Variants in TAF1B observed in about 807,000 individuals in gnomAD.
TAF1B encodes the protein TATA box-binding protein-associated factor RNA polymerase I subunit B.
TAF1B carries 61 observed loss-of-function variants against 83.9 expected under a neutral mutation model. The ratio of observed to expected loss-of-function variants is 0.73; its 90% CI spans 0.59 to 0.90. The LOEUF (loss-of-function observed/expected upper bound fraction) is 0.90, where lower values mean the gene tolerates loss of function less well. TAF1B is among the 40% of genes least tolerant of loss of function. The pLI, the probability that TAF1B is intolerant of heterozygous loss-of-function variation, is 0.00. For synonymous variants in TAF1B, 221 were observed against 224.6 expected (o/e 0.98, Z 0.14); for missense variants, 625 against 677.0 (o/e 0.92, Z 0.85).
intron 5 of TAF1B, among the ~76,000 whole-genome samples, chr2:9,859,515 T>A (rs1479046535): frequency 1.3e-5 from 2 of 151,726 alleles, no homozygotes; most frequent in African/African-American, 4.8e-5. Context: ...GCCTCCCGAG[T>A]AGCTGGGACT....
chr2:9,903,634 A>G (rs1665255170), intron 8 of TAF1B, among the ~76,000 whole-genome samples: 1 of 152,224 alleles, frequency 6.6e-6, no homozygotes. Context: ...TTTAACTACT[A>G]GACTTAAAAC....
At chr2:9,918,066 C>T (rs1665742240) in intron 12 of TAF1B, among the ~76,000 whole-genome samples, 1 of 143,624 alleles carries the variant, frequency 7.0e-6, no homozygotes, top group Non-Finnish European at 1.5e-5. Flanking sequence ...AGCGAGACTC[C>T]GTCTCAAAAA....
At chr2:9,921,092 G>A (rs1050959805) in intron 14 of TAF1B, among the ~76,000 whole-genome samples, 1 of 152,106 alleles carries the variant, frequency 6.6e-6, no homozygotes, top group East Asian at 1.9e-4. Flanking sequence ...GAATAATACA[G>A]TGTAAATTCT....
At chr2:9,932,397 T>C (rs1013336969) in intron 14 of TAF1B, among the ~76,000 whole-genome samples, 3 of 152,212 alleles carry the variant, frequency 2.0e-5, no homozygotes, top group Admixed American at 6.5e-5. Flanking sequence ...TCCTTTCTGT[T>C]TGTTAGTTTT....
At position 9,868,270 on chromosome 2, in the gene TAF1B, A is replaced by G; in HGVS notation, c.400-6A>G. 1.9e-6 allele frequency: 3 copies of G among 1,613,662 alleles called. No homozygotes were observed. Among genetic ancestry groups the G allele is most frequent in the Non-Finnish European group, 2.5e-6 (3 of 1,179,802 alleles). On this transcript the variant is annotated splice_polypyrimidine_tract_variant and splice_region_variant and intron_variant, in intron 5 of 14. Coordinates refer to ENST00000263663, the MANE Select transcript of TAF1B (RefSeq NM_005680.3). ...AATAATTTTATTTATATTGTTTTGC[A>G]AACAGGTATTAGAAGATAATCTAAG...
chr2:9,912,822 G>A (rs578226680), intron 11 of TAF1B, among the ~76,000 whole-genome samples: 13 of 152,082 alleles, frequency 8.5e-5, no homozygotes, highest in Non-Finnish European at 1.5e-4. Context: ...CAGTTCTTTC[G>A]GTAGTTTCCT....
At chr2:9,902,404 C>T (rs1323968552) in intron 8 of TAF1B, among the ~76,000 whole-genome samples, 3 of 152,174 alleles carry the variant, frequency 2.0e-5, no homozygotes, top group Non-Finnish European at 4.4e-5. Context: ...CCCTTCCAGT[C>T]ATGTCCTACC....
chr2:9,859,359 G>T (rs1663674310), intron 5 of TAF1B, among the ~76,000 whole-genome samples: 1 of 150,658 alleles, frequency 6.6e-6, no homozygotes, highest in African/African-American at 2.4e-5. Context: ...CTTCAGCCTG[G>T]ACTTCATTGT....
At chr2:9,923,263 C>A (rs878922594) in intron 14 of TAF1B, among the ~76,000 whole-genome samples, 1 of 148,498 alleles carries the variant, frequency 6.7e-6, no homozygotes, top group African/African-American at 2.5e-5. Context: ...AAAATTATTT[C>A]TTAAGTTGGT....
intron 8 of TAF1B, among the ~76,000 whole-genome samples, chr2:9,888,790 G>GTTTTTTTTTTT (rs56125595): frequency 3.7e-5 from 3 of 81,662 alleles, no homozygotes; most frequent in African/African-American, 2.3e-4. Flanking sequence ...CTTCTGCTTG[G>GTTTTTTTTTTT]TTTTTTTTTT....
intron 4 of TAF1B, among the ~76,000 whole-genome samples, chr2:9,853,849 G>A (rs1019109118): frequency 1.3e-5 from 2 of 152,158 alleles, no homozygotes; most frequent in Admixed American, 6.5e-5. Flanking sequence ...GTGTAGTCAT[G>A]TATCAGTTGC....
At chr2:9,920,856 A>G (rs1362235874) in intron 14 of TAF1B, among the ~76,000 whole-genome samples, 1 of 152,190 alleles carries the variant, frequency 6.6e-6, no homozygotes, top group Non-Finnish European at 1.5e-5. Flanking sequence ...ATAAAATAGG[A>G]CTAAAGATGG....
In TAF1B at chr2:9,919,602, G is replaced by A; in HGVS notation, c.1347G>A (p.Met449Ile). The A allele has an allele frequency of 1.2e-6, 2 of 1,612,950 alleles. No homozygotes were observed. The highest frequency in any genetic ancestry group is 1.7e-6 in the Non-Finnish European group (2 of 1,179,256). The part of the protein sequence containing the change: ...DKPVAYKKRE[M>I]VVNLQKQFST... Reference sequence around the variant, plus strand: ...CCTTTTTTTCTCCGGTTCCAGAAATGGTGGTGAATCTACAGAAACAATTTA... The same window carrying A: ...CCTTTTTTTCTCCGGTTCCAGAAATAGTGGTGAATCTACAGAAACAATTTA... Residue 449 changes from methionine (M) to isoleucine (I), a missense_variant, in exon 14 of 15, where the codon ATG becomes ATA. Coordinates refer to ENST00000263663, the MANE Select transcript of TAF1B (RefSeq NM_005680.3).
chr2:9,870,739 C>A (rs1664143804), intron 6 of TAF1B, among the ~76,000 whole-genome samples: 1 of 152,080 alleles, frequency 6.6e-6, no homozygotes, highest in Non-Finnish European at 1.5e-5. Context: ...AATATAATTG[C>A]TGTAATTTTT....
intron 8 of TAF1B, among the ~76,000 whole-genome samples, chr2:9,888,021 TA>T (rs1475263319): frequency 1.4e-4 from 21 of 152,056 alleles, no homozygotes; most frequent in Middle Eastern, 3.4e-3. Flanking sequence ...GCCAACTAAT[TA>T]AAAAAAAATT....
At chr2:9,911,787 A>G (rs1432655774) in intron 11 of TAF1B, among the ~76,000 whole-genome samples, 1 of 152,182 alleles carries the variant, frequency 6.6e-6, no homozygotes, top group Non-Finnish European at 1.5e-5. Context: ...GCTGCTTTGT[A>G]TTCCCAACTT....
intron 5 of TAF1B, among the ~76,000 whole-genome samples, chr2:9,857,382 C>T (rs541408709): frequency 2.0e-5 from 3 of 152,204 alleles, no homozygotes; most frequent in African/African-American, 7.2e-5. Flanking sequence ...ATAGAGCCAA[C>T]AGAACTTCCT....
chr2:9,850,029 G>A (rs537843890), intron 3 of TAF1B, among the ~76,000 whole-genome samples: 24 of 37,662 alleles, frequency 6.4e-4, no homozygotes, highest in East Asian at 3.4e-3. Flanking sequence ...ATATATATAT[G>A]TGTGTGTGTG....
At chr2:9,911,655 T>TACACATAG in intron 11 of TAF1B, 98 bp downstream of exon 11, 1 of 754,604 alleles carries the variant, frequency 1.3e-6, no homozygotes, top group Non-Finnish European at 2.1e-6. Flanking sequence ...AATACACATA[T>TACACATAG]ACACATAAAC....
Sources: allele counts gnomAD v4.1 joint callset (sites outside exome capture counted in the v4.1 genomes callset), GRCh38; gene constraint gnomAD v4.1.1; transcripts MANE v1.5; gene names NCBI Gene and HGNC (gene_info 2026-07-23, HGNC 2026-07-21).